Variants in RORA observed in about 807,000 individuals in gnomAD.
RORA encodes the protein nuclear receptor ROR-alpha.
In RORA, 7 loss-of-function variants were observed where a neutral mutation model predicts 69.5. That is an observed-to-expected ratio of 0.10 (90% CI 0.06 to 0.19). The LOEUF (loss-of-function observed/expected upper bound fraction) is 0.19. Ranked by LOEUF, RORA falls within the 10% of genes least tolerant of loss-of-function variation. The probability of loss-of-function intolerance (pLI) is 1.00; values close to 1 mark genes in which losing one functional copy is unlikely to be tolerated. For missense variants in RORA, 457 were observed against 663.0 expected (o/e 0.69, Z 3.41); for synonymous variants, 261 against 240.8 (o/e 1.08, Z -0.78).
intron 1 of RORA, among the ~76,000 whole-genome samples, chr15:60,754,379 G>T (rs1238235912): frequency 6.6e-6 from 1 of 152,176 alleles, no homozygotes; most frequent in East Asian, 1.9e-4. Context: ...GATTACTCCA[G>T]TTAGATGAAT....
intron 1 of RORA, among the ~76,000 whole-genome samples, chr15:60,692,247 G>T (rs1443302565): frequency 6.6e-6 from 1 of 152,130 alleles, no homozygotes; most frequent in Non-Finnish European, 1.5e-5. Flanking sequence ...TTTAAAGATA[G>T]CTCTGTTTTA....
intron 1 of RORA, among the ~76,000 whole-genome samples, chr15:61,047,906 G>T (rs536729167): frequency 6.6e-6 from 1 of 152,126 alleles, no homozygotes; most frequent in Non-Finnish European, 1.5e-5. Flanking sequence ...CATTTTCCAC[G>T]ACAGAACCAT....
intron 1 of RORA, among the ~76,000 whole-genome samples, chr15:60,946,523 G>C (rs1168207479): frequency 6.6e-6 from 1 of 152,206 alleles, no homozygotes; most frequent in East Asian, 1.9e-4. Flanking sequence ...GCCAGCTTCG[G>C]CCTCCCGAGT....
rs76644470 is a variant in RORA at position 60,732,628 on chromosome 15, A to C, written c.167-53942T>G. 1.5e-3 allele frequency among the ~76,000 whole-genome samples: 226 copies of C among 151,950 alleles called. 2 individuals carry two copies. Among genetic ancestry groups the C allele is most frequent in the East Asian group, 0.012 (64 of 5,184 alleles). On this transcript the variant is annotated intron_variant, in intron 1 of 10. Transcript: ENST00000335670. The stretch of plus-strand genomic sequence containing the variant: ...CCTTCCAGCTTGTCTGAGATGTGAT[A>C]ATCATTCTCATTCTCTCTCTCTCTC...
At chr15:61,003,125 G>A (rs1450149163) in intron 1 of RORA, among the ~76,000 whole-genome samples, 2 of 142,016 alleles carry the variant, frequency 1.4e-5, no homozygotes, top group African/African-American at 5.3e-5. Flanking sequence ...GACAGAATGA[G>A]ACTCAGTCTC....
intron 1 of RORA, among the ~76,000 whole-genome samples, chr15:60,823,116 CT>C (rs2072914646): frequency 2.7e-5 from 3 of 109,708 alleles, no homozygotes; most frequent in African/African-American, 1.0e-4. Flanking sequence ...CTCTTTCTCT[CT>C]CTCTCTCTCT....
chr15:60,524,387 C>A (rs1455971639), intron 3 of RORA, among the ~76,000 whole-genome samples: 3 of 152,200 alleles, frequency 2.0e-5, no homozygotes, highest in African/African-American at 7.2e-5. Context: ...GATGACCAGG[C>A]AATGACCACA....
chr15:60,609,372 AT>A (rs1298664956), intron 2 of RORA, among the ~76,000 whole-genome samples: 1 of 152,186 alleles, frequency 6.6e-6, no homozygotes, highest in Non-Finnish European at 1.5e-5. Flanking sequence ...AATGGCAGGG[AT>A]TTTAGAGGAA....
intron 1 of RORA, among the ~76,000 whole-genome samples, chr15:60,992,104 T>C (rs1432890846): frequency 6.6e-5 from 10 of 152,114 alleles, no homozygotes; most frequent in Non-Finnish European, 1.3e-4. Context: ...AGTACTATAA[T>C]GTATGCTTTT....
At chr15:60,821,787 A>G (rs1352853526) in intron 1 of RORA, among the ~76,000 whole-genome samples, 2 of 152,196 alleles carry the variant, frequency 1.3e-5, no homozygotes, top group African/African-American at 4.8e-5. Flanking sequence ...CTATCCTCAC[A>G]ATCACTCTAC....
chr15:61,078,952 A>C (rs538365172), intron 1 of RORA, among the ~76,000 whole-genome samples: 3 of 152,352 alleles, frequency 2.0e-5, no homozygotes, highest in Admixed American at 1.3e-4. Flanking sequence ...TCATTTAAGA[A>C]ATAAGAAAAC....
chr15:60,629,460 T>C (rs2069682917), intron 2 of RORA, among the ~76,000 whole-genome samples: 1 of 152,234 alleles, frequency 6.6e-6, no homozygotes, highest in African/African-American at 2.4e-5. Flanking sequence ...TGAGGGCAAG[T>C]ACTGCGTTTT....
At chr15:61,012,141 A>C (rs1397467376) in intron 1 of RORA, among the ~76,000 whole-genome samples, 5 of 152,256 alleles carry the variant, frequency 3.3e-5, no homozygotes, top group African/African-American at 1.2e-4. Flanking sequence ...TCTGTGCCTC[A>C]GTTTTCCTAC....
chr15:60,594,530 T>TC (rs926027416), intron 2 of RORA, among the ~76,000 whole-genome samples: 1 of 152,236 alleles, frequency 6.6e-6, no homozygotes, highest in African/African-American at 2.4e-5. Context: ...TAAAACAGTA[T>TC]CCTGCTTTAG....
chr15:60,501,820 T>C (rs995201459), intron 8 of RORA, among the ~76,000 whole-genome samples: 2 of 152,214 alleles, frequency 1.3e-5, no homozygotes, highest in African/African-American at 2.4e-5. Context: ...GATTTGCATA[T>C]TTTACATATA....
intron 1 of RORA, chr15:61,176,126 A>G (rs1419777748): frequency 6.6e-6 from 1 of 152,244 alleles, no homozygotes; most frequent in Non-Finnish European, 1.5e-5. Context: ...AGCACTTAAC[A>G]TGTGTTGAAT....
intron 2 of RORA, among the ~76,000 whole-genome samples, chr15:60,574,882 A>G (rs188343092): frequency 6.6e-6 from 1 of 152,132 alleles, no homozygotes; most frequent in Non-Finnish European, 1.5e-5. Context: ...TCTTATGCCT[A>G]TGCCAACTTT....
At chr15:61,019,025 A>G (rs1895408378) in intron 1 of RORA, among the ~76,000 whole-genome samples, 1 of 152,178 alleles carries the variant, frequency 6.6e-6, no homozygotes, top group South Asian at 2.1e-4. Flanking sequence ...CATCTTATCT[A>G]ATACACCCTC....
At chr15:61,180,608 A>C (rs2079675206) in intron 1 of RORA, among the ~76,000 whole-genome samples, 1 of 152,204 alleles carries the variant, frequency 6.6e-6, no homozygotes, top group Non-Finnish European at 1.5e-5. Context: ...TCTTTTAAAG[A>C]GACAGTTAAA....
Sources: gnomAD v4.1 joint callset for allele counts (sites outside exome capture counted in the v4.1 genomes callset) on GRCh38, gnomAD v4.1.1 for gene constraint, MANE v1.5 for transcripts, NCBI Gene and HGNC (gene_info 2026-07-23, HGNC 2026-07-21) for gene names.